The following ZWILCH variants were observed in gnomAD, a reference collection of about 807,000 sequenced individuals.
The protein encoded by ZWILCH is protein zwilch homolog.
In ZWILCH, 74 loss-of-function variants were observed where a neutral mutation model predicts 79.9. That is an observed-to-expected ratio of 0.93 (90% confidence interval 0.77 to 1.12). ZWILCH has a LOEUF of 1.12. Ranked by LOEUF, ZWILCH falls within the 50% of genes most tolerant of loss-of-function variation. The pLI is 0.00. For synonymous variants in ZWILCH, 241 were observed against 228.2 expected, an observed-to-expected ratio of 1.06 and a Z score of -0.51; for missense variants, 694 against 687.5, an observed-to-expected ratio of 1.01 and a Z score of -0.11.
Position 66,528,894 on chromosome 15 carries a change from C to A in ZWILCH, c.1012C>A (p.Arg338Ser). 1 of 1,614,084 alleles carries A rather than the reference C, an allele frequency of 6.2e-7. No individual in the cohort carries two copies. Among genetic ancestry groups the A allele is most frequent in the Non-Finnish European group, 8.5e-7 (1 of 1,179,998 alleles). The part of the protein sequence containing the change: ...DTAAVDRSVK[R>S]LFKVRSDLDF... ...TGCTGCAGTCGATCGTTCCGTCAAGCGTCTTTTCAAAGTTCGGAGTGATCT... is the reference window on the plus strand; with the variant it reads ...TGCTGCAGTCGATCGTTCCGTCAAGAGTCTTTTCAAAGTTCGGAGTGATCT... The change falls in exon 11 of 19, where the codon CGT (arginine) becomes AGT (serine). Residue 338 changes from arginine to serine, a missense_variant. Arg to Ser is a moderately radical substitution (Grantham distance 110). Transcript: ENST00000307897.
chr15:66,522,220 C>T (rs2140768893), intron 7 of ZWILCH, among the ~76,000 whole-genome samples: 1 of 151,698 alleles, frequency 6.6e-6, no homozygotes, highest in South Asian at 2.1e-4. Flanking sequence ...GTCAAAATTG[C>T]TAACAAAAAT....
intron 16 of ZWILCH, among the ~76,000 whole-genome samples, chr15:66,537,902 C>G (rs1895064914): frequency 6.6e-6 from 1 of 152,004 alleles, no homozygotes; most frequent in Non-Finnish European, 1.5e-5. Flanking sequence ...TGTTGGGCCT[C>G]TAGTCTTTCA....
chr15:66,541,485 T>C (rs1392635074), intron 17 of ZWILCH, among the ~76,000 whole-genome samples: 1 of 152,206 alleles, frequency 6.6e-6, no homozygotes, highest in Non-Finnish European at 1.5e-5. Context: ...ATGGAAATGC[T>C]GATTCATACT....
At chr15:66,531,165 A>G (rs1341554062) in intron 12 of ZWILCH, among the ~76,000 whole-genome samples, 4 of 152,224 alleles carry the variant, frequency 2.6e-5, no homozygotes, top group Non-Finnish European at 5.9e-5. Flanking sequence ...TTTACAAATT[A>G]TCAAGTTCGT....
intron 14 of ZWILCH, among the ~76,000 whole-genome samples, chr15:66,534,392 A>G (rs1894947216): frequency 6.6e-6 from 1 of 152,206 alleles, no homozygotes; most frequent in Non-Finnish European, 1.5e-5. Context: ...CCAATCCTCC[A>G]TGGATACCAA....
chr15:66,519,212 C>A, intron 5 of ZWILCH, 134 bp downstream of exon 5: 1 of 809,462 alleles, frequency 1.2e-6, no homozygotes. Flanking sequence ...CACCATAAAT[C>A]TACTCTGGTG....
At chr15:66,547,190 C>CTTTTTTTTTTTTTTTTTTT (rs1160984622) in intron 18 of ZWILCH, 1 of 80,342 alleles carries the variant, frequency 1.2e-5, no homozygotes, top group Non-Finnish European at 2.3e-5. Context: ...ATGACATTTT[C>CTTTTTTTTTTTTTTTTTTT]TTTTTTTTTT....
chr15:66,512,692 C>G (rs1894113270), intron 2 of ZWILCH, among the ~76,000 whole-genome samples: 1 of 152,208 alleles, frequency 6.6e-6, no homozygotes, highest in Non-Finnish European at 1.5e-5. Context: ...ACTGCAACCT[C>G]CATCTTCTGG....
Position 66,518,968 on chromosome 15 carries a change from G to T in ZWILCH, c.410G>T (p.Trp137Leu). 6.2e-7 allele frequency: 1 copy of T among 1,614,180 alleles called. No homozygotes were observed. The highest frequency in any genetic ancestry group is 1.7e-5 in the Admixed American group (1 of 60,032). The change falls in exon 5 of 19, where the codon TGG becomes TTG. Residue 137 changes from tryptophan (W) to leucine (L), a missense_variant. Trp to Leu is a moderately conservative substitution (Grantham distance 61). Transcript: ENST00000307897. ...CCAGTTACTGCCCTTCCTCCCCTTT[G>T]GGTAAGATGTGACAGTTCAGATCCT... The part of the protein sequence containing the change: ...NLPVTALPPL[W>L]VRCDSSDPEG...
At chr15:66,515,879 G>A (rs1894234269) in intron 4 of ZWILCH, among the ~76,000 whole-genome samples, 1 of 151,940 alleles carries the variant, frequency 6.6e-6, no homozygotes, top group Admixed American at 6.6e-5. Context: ...CCAATTTATT[G>A]TTGTTTCTCA....
At chr15:66,505,565 G>A (rs1473994373) in intron 1 of ZWILCH, 174 bp downstream of exon 1, 29 of 673,714 alleles carry the variant, frequency 4.3e-5, no homozygotes, top group Non-Finnish European at 6.7e-5. Context: ...GGTTGACCGT[G>A]TGGGAGCTTG....
chr15:66,526,196 TG>T (rs1382801170), intron 8 of ZWILCH, among the ~76,000 whole-genome samples: 1 of 152,230 alleles, frequency 6.6e-6, no homozygotes, highest in Non-Finnish European at 1.5e-5. Context: ...AACTAGATCA[TG>T]TCATTTTCCT....
intron 17 of ZWILCH, among the ~76,000 whole-genome samples, chr15:66,544,724 T>TTTTTTTGTGTG (rs145952622): frequency 1.9e-4 from 25 of 128,544 alleles, no homozygotes; most frequent in South Asian, 2.7e-4. Flanking sequence ...TTTTTGGTTT[T>TTTTTTTGTGTG]TGTGTGTGTG....
intron 4 of ZWILCH, among the ~76,000 whole-genome samples, chr15:66,516,267 G>A (rs1285678860): frequency 6.6e-6 from 1 of 152,156 alleles, no homozygotes; most frequent in Non-Finnish European, 1.5e-5. Context: ...AGAAACTTGA[G>A]AGCCTCTGGC....
At chr15:66,514,162 G>A (rs984703056) in intron 3 of ZWILCH, 79 bp downstream of exon 3, 64 of 963,718 alleles carry the variant, frequency 6.6e-5, no homozygotes, top group Non-Finnish European at 9.0e-5. Context: ...TAACGTACAC[G>A]TTTTAAAATC....
intron 2 of ZWILCH, 26 bp downstream of exon 2, chr15:66,508,918 C>T (rs371718257): frequency 6.6e-5 from 106 of 1,609,134 alleles, no homozygotes; most frequent in Non-Finnish European, 8.4e-5. Context: ...TTTTTAAACA[C>T]AACTCTAATC....
chr15:66,511,764 C>T (rs1595903573), intron 2 of ZWILCH, among the ~76,000 whole-genome samples: 1 of 152,136 alleles, frequency 6.6e-6, no homozygotes, highest in East Asian at 1.9e-4. Context: ...TATAGGCACC[C>T]ACCACCACGC....
At chr15:66,528,733 T>G (rs1346277304) in intron 10 of ZWILCH, 119 bp from the exon 11 acceptor site, 1 of 719,984 alleles carries the variant, frequency 1.4e-6, no homozygotes, top group Admixed American at 2.7e-5. Context: ...TGTAGAAAAT[T>G]CGTTCATATC....
intron 14 of ZWILCH, 104 bp downstream of exon 14, chr15:66,533,117 G>A (rs543427645): frequency 8.1e-5 from 56 of 694,402 alleles, no homozygotes; most frequent in Non-Finnish European, 2.7e-5. Flanking sequence ...TTAGGTCCTG[G>A]GAAATGGATA....
Sources: allele counts gnomAD v4.1 joint callset (sites outside exome capture counted in the v4.1 genomes callset), GRCh38; gene constraint gnomAD v4.1.1; transcripts MANE v1.5; gene names NCBI Gene and HGNC (gene_info 2026-07-23, HGNC 2026-07-21).